CHGB: variants seen among roughly 807,000 people sequenced by gnomAD.
The protein encoded by CHGB is secretogranin-1.
A neutral mutation model predicts 69.9 loss-of-function variants in CHGB; 46 were observed. The observed-to-expected ratio is 0.66, with a 90% confidence interval of 0.52 to 0.84. The LOEUF (loss-of-function observed/expected upper bound fraction) is 0.84. Among genes scored for constraint, CHGB ranks in the 40% least tolerant of loss-of-function variants. CHGB has a pLI of 0.00. For missense variants in CHGB, 796 were observed against 822.2 expected, an observed-to-expected ratio of 0.97 and a Z score of 0.39; for synonymous variants, 312 against 298.2, an observed-to-expected ratio of 1.05 and a Z score of -0.48.
chr20:5,923,666 T>C lies in CHGB; in HGVS notation c.1522T>C (p.Ser508Pro), dbSNP rs1271163886. 6.2e-7 allele frequency: 1 copy of C among 1,613,728 alleles called. No homozygotes were observed. Among genetic ancestry groups the C allele is most frequent in the Non-Finnish European group, 8.5e-7 (1 of 1,179,964 alleles). The change falls in exon 4 of 5, where the codon TCC (serine) becomes CCC (proline). Residue 508 changes from serine (S) to proline (P), a missense_variant. Around this residue, in one of 3 missense-constraint regions of CHGB, gnomAD observed 274 missense variants for 298.9 expected, o/e 0.92. Coordinates refer to ENST00000378961, the MANE Select transcript of CHGB (RefSeq NM_001819.3). Reference protein sequence around the residue: ...EARFQDKQYSSHHTAEKRKRL... With the variant: ...EARFQDKQYSPHHTAEKRKRL... Reference sequence around the variant, plus strand: ...TAGGTTTCAAGATAAACAATATAGCTCCCATCACACAGCTGAAAAGAGGAA... The same window carrying C: ...TAGGTTTCAAGATAAACAATATAGCCCCCATCACACAGCTGAAAAGAGGAA...
chr20:5,918,647 C>T (rs906509891), intron 3 of CHGB, among the ~76,000 whole-genome samples: 1 of 151,080 alleles, frequency 6.6e-6, no homozygotes, highest in African/African-American at 2.4e-5. Flanking sequence ...CCCATCTCTA[C>T]TAAAAATACA....
Position 5,923,205 on chromosome 20 carries a change from C to T in CHGB, c.1061C>T (p.Pro354Leu). ...EIKGYPGVQAPEDLEWERYRG... is the reference protein window; with the variant it reads ...EIKGYPGVQALEDLEWERYRG... ...AAGGGTTATCCAGGCGTCCAGGCCC[C>T]TGAGGACCTGGAGTGGGAGCGCTAT... Residue 354 changes from proline (P) to leucine (L), a missense_variant, in exon 4 of 5, where the codon CCT (proline) becomes CTT (leucine). Around this residue, in one of 3 missense-constraint regions of CHGB, gnomAD observed 518 missense variants for 506.3 expected, o/e 1.02. Transcript: ENST00000378961. 1 of 1,613,798 alleles carries T rather than the reference C, an allele frequency of 6.2e-7. No homozygotes were observed. The highest frequency in any genetic ancestry group is 8.5e-7 in the Non-Finnish European group (1 of 1,179,824).
At chr20:5,918,168 A>AAAAAG (rs2088490000) in intron 3 of CHGB, among the ~76,000 whole-genome samples, 2 of 147,292 alleles carry the variant, frequency 1.4e-5, no homozygotes, top group Admixed American at 1.4e-4. Flanking sequence ...AAAAAAAAAA[A>AAAAAG]AAACTCTCAT....
Position 5,925,014 on chromosome 20 carries a change from C to T in CHGB, c.1999C>T (p.Gln667Ter). ...ENLAAMDLELQKIAEKFSQRG is the reference protein window; with the variant it reads ...ENLAAMDLEL ...CTTGGCTGCAATGGATTTGGAACTA[C>T]AGAAGATAGCTGAGAAATTCAGCCA... The change falls in exon 5 of 5, where the codon CAG (glutamine) becomes TAG (stop). Residue 667 changes from glutamine to a stop codon, truncating the protein, a stop_gained. Transcript: ENST00000378961. LOFTEE classifies it high-confidence loss of function. 6.2e-7 allele frequency: 1 copy of T among 1,613,526 alleles called. No individual in the cohort carries two copies. Among genetic ancestry groups the T allele is most frequent in the Non-Finnish European group, 8.5e-7 (1 of 1,179,618 alleles).
Position 5,922,573 on chromosome 20 carries a change from C to T in CHGB, c.429C>T (p.Pro143=), listed in dbSNP as rs2088520986. Residue 143 remains proline (P), a synonymous_variant, in exon 4 of 5, where the codon CCC becomes CCT. Coordinates refer to ENST00000378961, the MANE Select transcript of CHGB (RefSeq NM_001819.3). ...ATGAGCCCCAGTGGAGCCTCTATCCCTCCGACAGCCAAGTCTCTGAAGAAG... is the reference window on the plus strand; with the variant it reads ...ATGAGCCCCAGTGGAGCCTCTATCCTTCCGACAGCCAAGTCTCTGAAGAAG... The part of the protein sequence containing the change: ...RADEPQWSLY[P]SDSQVSEEVK... The T allele has an allele frequency of 6.2e-7, 1 of 1,613,714 alleles. No individual in the cohort carries two copies. Among genetic ancestry groups the T allele is most frequent in the African/African-American group, 1.3e-5 (1 of 74,872 alleles).
At chr20:5,912,339 T>G (rs994004750) in intron 1 of CHGB, among the ~76,000 whole-genome samples, 3 of 151,926 alleles carry the variant, frequency 2.0e-5, no homozygotes, top group Admixed American at 2.0e-4. Flanking sequence ...AAGGAATTAT[T>G]TTTTTTTAAC....
In CHGB at chr20:5,922,605, C is replaced by G; in HGVS notation, c.461C>G (p.Thr154Arg). The G allele has an allele frequency of 1.2e-6, 2 of 1,614,020 alleles. No individual in the cohort carries two copies. Among genetic ancestry groups the G allele is most frequent in the Non-Finnish European group, 1.7e-6 (2 of 1,180,018 alleles). Reference sequence around the variant, plus strand: ...AGCCAAGTCTCTGAAGAAGTGAAGACACGCCATTCTGAGAAGAGCCAGAGA... The same window carrying G: ...AGCCAAGTCTCTGAAGAAGTGAAGAGACGCCATTCTGAGAAGAGCCAGAGA... ...SDSQVSEEVK[T>R]RHSEKSQRED... Residue 154 changes from threonine to arginine, a missense_variant, in exon 4 of 5, where the codon ACA (threonine) becomes AGA (arginine). Physicochemically the swap from Thr to Arg is moderately conservative, Grantham distance 71 (BLOSUM62 -1). Transcript: ENST00000378961.
At chr20:5,917,121 T>A (rs1181062689) in intron 3 of CHGB, 40 of 592,556 alleles carry the variant, frequency 6.8e-5, no homozygotes, top group South Asian at 6.4e-4. Context: ...TGTGTGACTA[T>A]AGGAAAGACA....
intron 1 of CHGB, among the ~76,000 whole-genome samples, chr20:5,912,433 C>G (rs559709283): frequency 6.6e-6 from 1 of 151,910 alleles, no homozygotes; most frequent in Non-Finnish European, 1.5e-5. Flanking sequence ...GACTTCTGTA[C>G]TCCAGGAAAA....
At position 5,922,727 on chromosome 20, in the gene CHGB, C is replaced by T. The variant is rs376839890; in HGVS notation, c.583C>T (p.Gln195Ter). The T allele has an allele frequency of 6.2e-7, 1 of 1,614,078 alleles. No individual in the cohort carries two copies. Among genetic ancestry groups the T allele is most frequent in the Admixed American group, 1.7e-5 (1 of 60,014 alleles). ...EKHLEEPGETQNAFLNERKQA... is the reference protein window; with the variant it reads ...EKHLEEPGET ...ACACCTTGAAGAGCCAGGAGAGACA[C>T]AAAACGCTTTTCTCAATGAAAGAAA... The change falls in exon 4 of 5, where the codon CAA (glutamine) becomes TAA (stop). Residue 195 changes from glutamine (Q) to a stop codon, truncating the protein, a stop_gained. Coordinates refer to ENST00000378961, the MANE Select transcript of CHGB (RefSeq NM_001819.3). LOFTEE classifies it high-confidence loss of function.
Position 5,922,319 on chromosome 20 carries a change from T to C in CHGB, c.191-16T>C. ...AGCAATTCTGAAATTATACCTACTCTTCATTTTCATTATAGGTAGAAAAGA... is the reference window on the plus strand; with the variant it reads ...AGCAATTCTGAAATTATACCTACTCCTCATTTTCATTATAGGTAGAAAAGA... On this transcript the variant is annotated splice_polypyrimidine_tract_variant and intron_variant, in intron 3 of 4. Transcript: ENST00000378961. 6.6e-7 allele frequency: 1 copy of C among 1,516,336 alleles called. No individual in the cohort carries two copies. The allele number at this position is 1,516,336 out of a possible 1,614,324, so 93.9% of individuals were successfully genotyped here.
In CHGB at chr20:5,923,440, T is replaced by C. The variant is rs1268234798; in HGVS notation, c.1296T>C (p.Ser432=). 60 of 1,613,990 alleles carry C rather than the reference T, an allele frequency of 3.7e-5. No individual in the cohort carries two copies. Among genetic ancestry groups the C allele is most frequent in the Non-Finnish European group, 4.9e-5 (58 of 1,180,038 alleles). The stretch of plus-strand genomic sequence containing the variant: ...GGGAGCCACGTGCCTATTTCATGTC[T>C]GACACCAGAGAAGAGAAAAGGTTCT... The part of the protein sequence containing the change: ...RGGEPRAYFM[S]DTREEKRFLG... The change falls in exon 4 of 5, where the codon TCT becomes TCC. Residue 432 remains serine, a synonymous_variant. Transcript: ENST00000378961.
At chr20:5,919,272 T>G (rs1469666457) in intron 3 of CHGB, among the ~76,000 whole-genome samples, 1 of 152,160 alleles carries the variant, frequency 6.6e-6, no homozygotes, top group Non-Finnish European at 1.5e-5. Flanking sequence ...CCTGAGGTCT[T>G]TTGGTGTCTG....
At chr20:5,919,720 T>TTC (rs1288442807) in intron 3 of CHGB, among the ~76,000 whole-genome samples, 1 of 152,204 alleles carries the variant, frequency 6.6e-6, no homozygotes, top group Non-Finnish European at 1.5e-5. Flanking sequence ...CCTATTCTAG[T>TTC]TCTCTCTCTC....
rs374038627 is a variant in CHGB at position 5,922,432 on chromosome 20, C to T, written c.288C>T (p.His96=). 1.4e-5 allele frequency: 23 copies of T among 1,611,958 alleles called. No homozygotes were observed. Among genetic ancestry groups the T allele is most frequent in the African/African-American group, 1.2e-4 (9 of 74,896 alleles). The change falls in exon 4 of 5, where the codon CAC becomes CAT. Residue 96 remains histidine, a synonymous_variant. Transcript: ENST00000378961. ...LRDPADASEA[H]ESSSRGEAGA... Reference sequence around the variant, plus strand: ...ACCCAGCTGATGCCTCGGAAGCCCACGAGTCCTCCAGCAGGGGAGAGGCAG... The same window carrying T: ...ACCCAGCTGATGCCTCGGAAGCCCATGAGTCCTCCAGCAGGGGAGAGGCAG...
intron 1 of CHGB, chr20:5,914,682 T>G (rs2088465748): frequency 6.6e-6 from 1 of 152,224 alleles, no homozygotes. Flanking sequence ...ATGGGTGTGT[T>G]CTCAAGTAGC....
rs368969311 is a variant in CHGB at position 5,916,863 on chromosome 20, T to C, written c.134T>C (p.Leu45Ser). The change falls in exon 3 of 5, where the codon TTG (leucine) becomes TCG (serine). Residue 45 changes from leucine to serine, a missense_variant. Leu to Ser is a moderately radical substitution (Grantham distance 145, BLOSUM62 -2). This residue lies in a region of CHGB where 518 missense variants were observed against 506.3 expected (regional missense o/e 1.02). Transcript: ENST00000378961. ...ATCATTGAGGTCCTCTCAAATGCCT[T>C]GTCGAAGTCCAGCGCTCCACCCATC... ...RCIIEVLSNA[L>S]SKSSAPPITP... 34 of 1,614,192 alleles carry C rather than the reference T, an allele frequency of 2.1e-5. No homozygotes were observed. The African/African-American group carries it at 4.0e-4, about 19-fold the overall frequency.
At chr20:5,921,352 C>G (rs562892745) in intron 3 of CHGB, among the ~76,000 whole-genome samples, 2 of 152,096 alleles carry the variant, frequency 1.3e-5, no homozygotes, top group Non-Finnish European at 2.9e-5. Flanking sequence ...CAGTGTAGAC[C>G]CAGAGCTGTC....
chr20:5,924,635 C>T (rs2088539095), intron 4 of CHGB, among the ~76,000 whole-genome samples: 1 of 152,218 alleles, frequency 6.6e-6, no homozygotes, highest in Non-Finnish European at 1.5e-5. Context: ...GGTAACACTA[C>T]TGGAGCTGAA....
Sources: allele counts gnomAD v4.1 joint callset (sites outside exome capture counted in the v4.1 genomes callset), GRCh38; gene constraint gnomAD v4.1.1; regional missense constraint gnomAD v4.1.1; transcripts MANE v1.5; gene names NCBI Gene and HGNC (gene_info 2026-07-23, HGNC 2026-07-21).